Variants in IHH observed in about 807,000 individuals in gnomAD.
IHH encodes the protein indian hedgehog protein.
Under a neutral mutation model 29.4 loss-of-function variants are expected in IHH, and 9 were observed. That is an observed-to-expected ratio of 0.31 (90% confidence interval 0.18 to 0.53). The LOEUF (loss-of-function observed/expected upper bound fraction) is 0.53. IHH is among the 20% of genes least tolerant of loss of function. The pLI, the probability that IHH is intolerant of heterozygous loss-of-function variation, is 0.95. For missense variants in IHH, 454 were observed against 578.1 expected (o/e 0.79, Z 2.20); for synonymous variants, 254 against 252.7 (o/e 1.01, Z -0.05).
Position 219,055,111 on chromosome 2 carries a change from C to T in IHH, c.*96G>A, listed in dbSNP as rs1391931327. The T allele has an allele frequency of 1.5e-6, 2 of 1,298,702 alleles. No individual in the cohort carries two copies. Among genetic ancestry groups the T allele is most frequent in the East Asian group, 5.0e-5 (2 of 39,620 alleles). The allele number at this position is 1,298,702 out of a possible 1,614,324, so 80.4% of individuals were successfully genotyped here. ...CAGAGGAGATGGCAGGAGCCAGTGT[C>T]CCCCAGCTCAGGTCCCTTCCAGGGC... On this transcript the variant is annotated 3_prime_UTR_variant, in exon 3 of 3. Coordinates refer to ENST00000295731, the MANE Select transcript of IHH (RefSeq NM_002181.4).
chr2:219,060,473 G>A lies in IHH; in HGVS notation c.-6C>T. The A allele has an allele frequency of 1.4e-6, 2 of 1,457,996 alleles. No individual in the cohort carries two copies. Among genetic ancestry groups the A allele is most frequent in the Middle Eastern group, 2.0e-4 (1 of 5,010 alleles). 90.3% of individuals were successfully genotyped at this position (1,457,996 alleles called of 1,614,324 possible). On this transcript the variant is annotated 5_prime_UTR_variant, in exon 1 of 3. Transcript: ENST00000295731. The surrounding 1 kb of genome is among the most constrained non-coding windows in gnomAD (Gnocchi z 8.8). ...CGGAGCCGGGCGGGAGACATGGCCG[G>A]GGAGCCCGGGGGAGCGGCGGGCGAG...
Position 219,055,511 on chromosome 2 carries a change from C to G in IHH, c.932G>C (p.Gly311Ala). Residue 311 changes from glycine (G) to alanine (A), a missense_variant, in exon 3 of 3, where the codon GGC becomes GCC. This residue lies in a region of IHH where 271 missense variants were observed against 315.9 expected (regional missense o/e 0.86). Coordinates refer to ENST00000295731, the MANE Select transcript of IHH (RefSeq NM_002181.4). ...GQYVLVAGVP[G>A]LQPARVAAVS... ...AGCTGCCACGCGGGCAGGCTGCAGG[C>G]CTGGCACCCCAGCCACCAGCACGTA... is the stretch of plus-strand genomic sequence containing the variant. 1.9e-6 allele frequency: 3 copies of G among 1,610,420 alleles called. No homozygotes were observed. Among genetic ancestry groups the G allele is most frequent in the Non-Finnish European group, 2.5e-6 (3 of 1,178,224 alleles).
chr2:219,056,063 A>G (rs1465359873), intron 2 of IHH, among the ~76,000 whole-genome samples, 198 bp from the exon 3 acceptor site: 1 of 148,902 alleles, frequency 6.7e-6, no homozygotes, highest in Non-Finnish European at 1.5e-5. Context: ...CCTTACTCCA[A>G]TGTGATCTTC....
At position 219,057,697 on chromosome 2, in the gene IHH, G is replaced by A; in HGVS notation, c.316-3C>T. 3 of 1,605,558 alleles carry A rather than the reference G, an allele frequency of 1.9e-6. No homozygotes were observed. The highest frequency in any genetic ancestry group is 2.7e-5 in the African/African-American group (2 of 75,032). The stretch of plus-strand genomic sequence containing the variant: ...GAGTTCAGGCGGTCCTTGCAGCGCT[G>A]GGAGAGGAATGTGCGCGAAATCAAC... On this transcript the variant is annotated splice_region_variant and splice_polypyrimidine_tract_variant and intron_variant, in intron 1 of 2. Coordinates refer to ENST00000295731, the MANE Select transcript of IHH (RefSeq NM_002181.4).
chr2:219,056,646 G>A (rs1948835382), intron 2 of IHH, among the ~76,000 whole-genome samples: 1 of 152,150 alleles, frequency 6.6e-6, no homozygotes. Flanking sequence ...GTGGGCCTGG[G>A]CTCAGTGTGC....
intron 2 of IHH, among the ~76,000 whole-genome samples, chr2:219,056,992 C>T (rs896797946): frequency 2.3e-4 from 35 of 152,354 alleles, no homozygotes; most frequent in African/African-American, 8.2e-4. Context: ...TGACCTGCAG[C>T]TGGGTGGTGG....
rs552729314 is a variant in IHH at position 219,054,913 on chromosome 2, C to T, written c.*294G>A. 4.6e-5 allele frequency: 21 copies of T among 456,280 alleles called. No homozygotes were observed. The highest frequency in any genetic ancestry group is 7.2e-5 in the Non-Finnish European group (18 of 250,932). The allele number at this position is 456,280 out of a possible 1,614,324, so 28.3% of individuals were successfully genotyped here. A position where few individuals can be genotyped will look rare whatever the true frequency, so the allele number is the denominator to read the frequency against. Reference sequence around the variant, plus strand: ...ATGGGGGAGGCAGAGTATGAAAACTCGTAGTGAGAGCAGGCTGAGTTGGGA... The same window carrying T: ...ATGGGGGAGGCAGAGTATGAAAACTTGTAGTGAGAGCAGGCTGAGTTGGGA... On this transcript the variant is annotated 3_prime_UTR_variant, in exon 3 of 3. Transcript: ENST00000295731.
In IHH at chr2:219,054,860, C is replaced by A; in HGVS notation, c.*347G>T. ...GAGGCGCAAGCCCACCCAAAGGGGCCTAAGATGGATGGAATGGGCCCTCCC... is the reference window on the plus strand; with the variant it reads ...GAGGCGCAAGCCCACCCAAAGGGGCATAAGATGGATGGAATGGGCCCTCCC... On this transcript the variant is annotated 3_prime_UTR_variant, in exon 3 of 3. Coordinates refer to ENST00000295731, the MANE Select transcript of IHH (RefSeq NM_002181.4). 1 of 310,166 alleles carries A rather than the reference C, an allele frequency of 3.2e-6. No individual in the cohort carries two copies. Among genetic ancestry groups the A allele is most frequent in the Non-Finnish European group, 6.1e-6 (1 of 164,172 alleles). 19.2% of individuals were successfully genotyped at this position (310,166 alleles called of 1,614,324 possible).
chr2:219,057,509 C>T lies in IHH; in HGVS notation c.501G>A (p.Ala167=). ...DRDRNKYGLL[A]RLAVEAGFDW... Reference sequence around the variant, plus strand: ...CAAAGCCGGCCTCCACTGCCAAGCGCGCCAGCAGTCCATACTTATTGCGGT... The same window carrying T: ...CAAAGCCGGCCTCCACTGCCAAGCGTGCCAGCAGTCCATACTTATTGCGGT... Residue 167 remains alanine, a synonymous_variant, in exon 2 of 3, where the codon GCG becomes GCA. Transcript: ENST00000295731. 1 of 1,613,794 alleles carries T rather than the reference C, an allele frequency of 6.2e-7. No homozygotes were observed. The highest frequency in any genetic ancestry group is 1.1e-5 in the South Asian group (1 of 91,034).
In IHH at chr2:219,055,106, A is replaced by T. The variant is rs1169097148; in HGVS notation, c.*101T>A. On this transcript the variant is annotated 3_prime_UTR_variant, in exon 3 of 3. Transcript: ENST00000295731. ...CATGGCAGAGGAGATGGCAGGAGCC[A>T]GTGTCCCCCAGCTCAGGTCCCTTCC... 5 of 1,230,912 alleles carry T rather than the reference A, an allele frequency of 4.1e-6. No homozygotes were observed. The Admixed American group carries it at 1.1e-4, about 27-fold the overall frequency. 76.2% of individuals were successfully genotyped at this position (1,230,912 alleles called of 1,614,324 possible). A position where few individuals can be genotyped will look rare whatever the true frequency, so the allele number is the denominator to read the frequency against.
chr2:219,058,148 C>T (rs551699131), intron 1 of IHH, among the ~76,000 whole-genome samples: 19 of 152,262 alleles, frequency 1.2e-4, no homozygotes, highest in Non-Finnish European at 1.5e-4. Flanking sequence ...GCGAGGCGTG[C>T]AAGGCCCGAG....
chr2:219,057,751 C>A (rs1042915775), intron 1 of IHH, 57 bp from the exon 2 acceptor site: 1 of 1,594,976 alleles, frequency 6.3e-7, no homozygotes, highest in African/African-American at 1.3e-5. Context: ...AGGAGCCGGC[C>A]GAGGTGCAGG....
Position 219,058,144 on chromosome 2 carries a change from C to A in IHH, c.316-450G>T, listed in dbSNP as rs971734487. 3.3e-5 allele frequency among the ~76,000 whole-genome samples: 5 copies of A among 152,162 alleles called. No homozygotes were observed. In the East Asian group the frequency reaches 9.7e-4, roughly 29 times the overall value. ...GACTGCCTGCGGCCGGCCTGCGAGG[C>A]GTGCAAGGCCCGAGGTGCCCAGTAG... is the stretch of plus-strand genomic sequence containing the variant. On this transcript the variant is annotated intron_variant, in intron 1 of 2. Coordinates refer to ENST00000295731, the MANE Select transcript of IHH (RefSeq NM_002181.4).
chr2:219,057,382 C>CCCAT, intron 2 of IHH, 51 bp downstream of exon 2: 1 of 1,547,310 alleles, frequency 6.5e-7, no homozygotes, highest in African/African-American at 1.4e-5. Context: ...ACTCCTCCTG[C>CCCAT]CCATGCCCTG....
At position 219,054,799 on chromosome 2, in the gene IHH, C is replaced by T; in HGVS notation, c.*408G>A. 1 of 234,432 alleles carries T rather than the reference C, an allele frequency of 4.3e-6. No individual in the cohort carries two copies. Among genetic ancestry groups the T allele is most frequent in the Non-Finnish European group, 8.5e-6 (1 of 117,656 alleles). 14.5% of individuals were successfully genotyped at this position (234,432 alleles called of 1,614,324 possible). A position where few individuals can be genotyped will look rare whatever the true frequency, so the allele number is the denominator to read the frequency against. ...TGGACAGCATCGGGTCCAGCCAGAT[C>T]CATGCTGGCTCCCAGGGAATTTAGC... On this transcript the variant is annotated 3_prime_UTR_variant, in exon 3 of 3. Coordinates refer to ENST00000295731, the MANE Select transcript of IHH (RefSeq NM_002181.4).
In IHH at chr2:219,060,083, G is replaced by C. The variant is rs1213087564; in HGVS notation, c.315+70C>G. ...GCCAGCCAGTCGAGAAAATGTGCCAGGGGGTGGGTAGGGCCGGGCAGGTGG... is the reference window on the plus strand; with the variant it reads ...GCCAGCCAGTCGAGAAAATGTGCCACGGGGTGGGTAGGGCCGGGCAGGTGG... On this transcript the variant is annotated intron_variant, in intron 1 of 2. Transcript: ENST00000295731. This position sits in a 1 kb window ranked among gnomAD's most constrained non-coding sequence, Gnocchi z 8.8. The C allele has an allele frequency of 1.5e-6, 2 of 1,355,788 alleles. No individual in the cohort carries two copies. The highest frequency in any genetic ancestry group is 1.4e-5 in the African/African-American group (1 of 69,376). 84.0% of individuals were successfully genotyped at this position (1,355,788 alleles called of 1,614,324 possible).
In IHH at chr2:219,060,451, A is replaced by C; in HGVS notation, c.17T>G (p.Leu6Arg). 6.5e-7 allele frequency: 1 copy of C among 1,539,882 alleles called. No homozygotes were observed. The highest frequency in any genetic ancestry group is 8.7e-7 in the Non-Finnish European group (1 of 1,147,524). ...CAGGCAGAAGTGCAGTCGGGGCCGGAGCCGGGCGGGAGACATGGCCGGGGA... is the reference window on the plus strand; with the variant it reads ...CAGGCAGAAGTGCAGTCGGGGCCGGCGCCGGGCGGGAGACATGGCCGGGGA... Reference protein sequence around the residue: MSPARLRPRLHFCLVL... With the variant: MSPARRRPRLHFCLVL... Residue 6 changes from leucine (L) to arginine (R), a missense_variant, in exon 1 of 3, where the codon CTC becomes CGC. Leu to Arg is a moderately radical substitution (Grantham distance 102). Coordinates refer to ENST00000295731, the MANE Select transcript of IHH (RefSeq NM_002181.4). The surrounding 1 kb of genome is among the most constrained non-coding windows in gnomAD (Gnocchi z 8.8).
In IHH at chr2:219,060,441, T is replaced by TCGGGGC. The variant is rs1559180709; in HGVS notation, c.21_26dup (p.Pro8_Arg9dup). 1 of 1,566,850 alleles carries TCGGGGC rather than the reference T, an allele frequency of 6.4e-7. No homozygotes were observed. On this transcript the variant is annotated inframe_insertion, in exon 1 of 3. Transcript: ENST00000295731. The surrounding 1 kb of genome is among the most constrained non-coding windows in gnomAD (Gnocchi z 8.8). ...GCAACAGGACCAGGCAGAAGTGCAGTCGGGGCCGGAGCCGGGCGGGAGACA... is the reference window on the plus strand; with the variant it reads ...GCAACAGGACCAGGCAGAAGTGCAGTCGGGGCCGGGGCCGGAGCCGGGCGGGAGACA...
At position 219,060,014 on chromosome 2, in the gene IHH, G is replaced by A; in HGVS notation, c.315+139C>T. The A allele has an allele frequency of 4.0e-6, 3 of 746,748 alleles. No homozygotes were observed. Among genetic ancestry groups the A allele is most frequent in the Non-Finnish European group, 6.5e-6 (3 of 459,980 alleles). The allele number at this position is 746,748 out of a possible 1,614,324, so 46.3% of individuals were successfully genotyped here. On this transcript the variant is annotated intron_variant, in intron 1 of 2. Coordinates refer to ENST00000295731, the MANE Select transcript of IHH (RefSeq NM_002181.4). The surrounding 1 kb of genome is among the most constrained non-coding windows in gnomAD (Gnocchi z 8.8). ...ACCCCTGGCCAGCCCATCTTGGGCA[G>A]GAGGCAGCGGGGCTTGGCGAGAGGG... is the stretch of plus-strand genomic sequence containing the variant.
Sources: gnomAD v4.1 joint callset for allele counts (sites outside exome capture counted in the v4.1 genomes callset) on GRCh38, gnomAD v4.1.1 for gene constraint, gnomAD v4.1.1 regional missense constraint, Gnocchi (gnomAD v3.1) non-coding constraint, MANE v1.5 for transcripts, NCBI Gene and HGNC (gene_info 2026-07-23, HGNC 2026-07-21) for gene names.